The following PCDH15 variants were observed in gnomAD, a reference collection of about 807,000 sequenced individuals.
The protein encoded by PCDH15 is protocadherin related 15.
PCDH15 carries 129 observed loss-of-function variants against 178.5 expected under a neutral mutation model. The ratio of observed to expected loss-of-function variants is 0.72; its 90% CI spans 0.63 to 0.84. The LOEUF (loss-of-function observed/expected upper bound fraction) is 0.84, where lower values mean the gene tolerates loss of function less well. Ranked by LOEUF, PCDH15 falls within the 40% of genes least tolerant of loss-of-function variation. PCDH15 has a pLI of 0.00. For synonymous variants in PCDH15, 800 were observed against 732.0 expected, an observed-to-expected ratio of 1.09 and a Z score of -1.50; for missense variants, 2,230 against 2,099.9, an observed-to-expected ratio of 1.06 and a Z score of -1.21.
intron 3 of PCDH15, among the ~76,000 whole-genome samples, chr10:54,845,158 ATTAC>A (rs1156353926): frequency 9.9e-5 from 15 of 151,764 alleles, no homozygotes; most frequent in Non-Finnish European, 2.1e-4. Flanking sequence ...AATGTGCTTA[ATTAC>A]TTACCTGAAT....
At chr10:54,711,558 T>A in intron 1 of PCDH15, among the ~76,000 whole-genome samples, 1 of 151,894 alleles carries the variant, frequency 6.6e-6, no homozygotes, top group East Asian at 1.9e-4. Flanking sequence ...ATCATAGAAT[T>A]CTGAGTAGGT....
At chr10:54,239,755 T>G (rs1475893938) in intron 8 of PCDH15, among the ~76,000 whole-genome samples, 1 of 152,050 alleles carries the variant, frequency 6.6e-6, no homozygotes, top group East Asian at 1.9e-4. Context: ...GAATTGACAT[T>G]TTATCTTGTC....
At chr10:55,220,314 T>G (rs1011266260) in intron 1 of PCDH15, among the ~76,000 whole-genome samples, 1 of 152,180 alleles carries the variant, frequency 6.6e-6, no homozygotes, top group East Asian at 1.9e-4. Flanking sequence ...GCTCTTTTTT[T>G]AAAACACATT....
intron 18 of PCDH15, among the ~76,000 whole-genome samples, chr10:54,051,628 G>C (rs992374350): frequency 2.0e-5 from 3 of 152,128 alleles, no homozygotes; most frequent in African/African-American, 4.8e-5. Flanking sequence ...ATTAAAGTCT[G>C]GAAAATTTGC....
chr10:55,049,329 T>C (rs1841097660), intron 2 of PCDH15, among the ~76,000 whole-genome samples: 1 of 151,966 alleles, frequency 6.6e-6, no homozygotes, highest in South Asian at 2.1e-4. Flanking sequence ...AACACTTCAG[T>C]CATACAGACT....
intron 1 of PCDH15, among the ~76,000 whole-genome samples, chr10:55,289,510 GAAAA>G: frequency 6.6e-6 from 1 of 151,284 alleles, no homozygotes; most frequent in Non-Finnish European, 1.5e-5. Flanking sequence ...AAAGAAGAAA[GAAAA>G]GTGTTAAAAA....
At chr10:54,886,467 T>A (rs1375277729) in intron 3 of PCDH15, among the ~76,000 whole-genome samples, 1 of 152,216 alleles carries the variant, frequency 6.6e-6, no homozygotes, top group African/African-American at 2.4e-5. Context: ...GCCTTAAGAA[T>A]GATCTAGTTA....
intron 18 of PCDH15, among the ~76,000 whole-genome samples, chr10:54,041,999 A>G (rs945772242): frequency 6.7e-6 from 1 of 149,406 alleles, no homozygotes; most frequent in Non-Finnish European, 1.5e-5. Flanking sequence ...GATTATTTTT[A>G]GTAATTAAGA....
At chr10:54,581,815 C>T (rs1023151625) in intron 2 of PCDH15, among the ~76,000 whole-genome samples, 2 of 151,766 alleles carry the variant, frequency 1.3e-5, no homozygotes, top group African/African-American at 2.4e-5. Flanking sequence ...CAAAAGTGAA[C>T]GCTGGGTAAT....
At chr10:54,776,680 C>T (rs1028150298) in intron 1 of PCDH15, among the ~76,000 whole-genome samples, 7 of 152,120 alleles carry the variant, frequency 4.6e-5, no homozygotes, top group Non-Finnish European at 1.5e-5. Context: ...ATAAATTAAA[C>T]AGTTGGTTTA....
intron 18 of PCDH15, among the ~76,000 whole-genome samples, chr10:54,051,760 C>A (rs1319254357): frequency 6.6e-6 from 1 of 152,132 alleles, no homozygotes; most frequent in Non-Finnish European, 1.5e-5. Context: ...GGGAAAATGT[C>A]TCCAGGGCAT....
At chr10:55,121,314 T>C (rs1837762508) in intron 2 of PCDH15, among the ~76,000 whole-genome samples, 1 of 150,242 alleles carries the variant, frequency 6.7e-6, no homozygotes, top group African/African-American at 2.4e-5. Context: ...TATCCCATAA[T>C]ATTTTAGAAG....
chr10:54,311,712 T>C (rs886317994), intron 8 of PCDH15, among the ~76,000 whole-genome samples: 3 of 152,080 alleles, frequency 2.0e-5, no homozygotes, highest in Non-Finnish European at 4.4e-5. Flanking sequence ...TATATTTATG[T>C]GTTCAATATA....
chr10:54,496,774 T>C (rs2080156199), intron 3 of PCDH15, among the ~76,000 whole-genome samples: 1 of 152,004 alleles, frequency 6.6e-6, no homozygotes, highest in African/African-American at 2.4e-5. Context: ...AATGGAAAAA[T>C]TTCAAACATA....
intron 2 of PCDH15, among the ~76,000 whole-genome samples, chr10:55,545,882 A>G (rs1427271176): frequency 1.3e-5 from 2 of 152,044 alleles, no homozygotes; most frequent in Non-Finnish European, 2.9e-5. Flanking sequence ...ATCACTTCCT[A>G]TCCAACATTT....
chr10:54,392,109 A>G (rs1950607920), intron 3 of PCDH15, among the ~76,000 whole-genome samples: 1 of 152,050 alleles, frequency 6.6e-6, no homozygotes, highest in African/African-American at 2.4e-5. Context: ...ACTTTGTTTC[A>G]ATCTCTCTCT....
At chr10:55,128,160 C>A (rs985965088) in intron 2 of PCDH15, among the ~76,000 whole-genome samples, 1 of 151,970 alleles carries the variant, frequency 6.6e-6, no homozygotes, top group African/African-American at 2.4e-5. Flanking sequence ...CTAAGATTTT[C>A]TTTTGAAGCT....
intron 2 of PCDH15, among the ~76,000 whole-genome samples, chr10:55,526,394 A>T (rs1271813119): frequency 6.6e-6 from 1 of 152,058 alleles, no homozygotes; most frequent in African/African-American, 2.4e-5. Context: ...TAACATTTTT[A>T]GCCAAATACT....
chr10:54,778,734 T>TG (rs1449355495), intron 1 of PCDH15, among the ~76,000 whole-genome samples: 21 of 152,118 alleles, frequency 1.4e-4, no homozygotes, highest in African/African-American at 5.1e-4. Context: ...TACTCTTGAC[T>TG]GGTCGTATTG....
Sources: allele counts gnomAD v4.1 joint callset (sites outside exome capture counted in the v4.1 genomes callset), GRCh38; gene constraint gnomAD v4.1.1; transcripts MANE v1.5; gene names NCBI Gene and HGNC (gene_info 2026-07-23, HGNC 2026-07-21).